PDE4D: variants seen among roughly 807,000 people sequenced by gnomAD.
PDE4D encodes 3',5'-cyclic-AMP phosphodiesterase 4D.
PDE4D carries 24 observed loss-of-function variants against 87.4 expected under a neutral mutation model. The observed-to-expected ratio is 0.27, with a 90% CI of 0.20 to 0.39. The LOEUF (loss-of-function observed/expected upper bound fraction) is 0.39, where lower values mean the gene tolerates loss of function less well. Among genes scored for constraint, PDE4D ranks in the 10% least tolerant of loss-of-function variants. The pLI is 1.00. For synonymous variants in PDE4D, 384 were observed against 383.2 expected (o/e 1.00, Z -0.02); for missense variants, 714 against 1,041.0 (o/e 0.69, Z 4.32).
At chr5:59,563,918 T>G (rs138385017) in intron 1 of PDE4D, among the ~76,000 whole-genome samples, 4 of 152,198 alleles carry the variant, frequency 2.6e-5, no homozygotes, top group Non-Finnish European at 5.9e-5. Flanking sequence ...TTGAAAGAGA[T>G]TCATTGCAAA....
chr5:59,049,680 G>A (rs890749410), intron 5 of PDE4D, among the ~76,000 whole-genome samples: 19 of 152,088 alleles, frequency 1.2e-4, no homozygotes, highest in African/African-American at 4.3e-4. Flanking sequence ...ATGAGCATAA[G>A]TTCATATTAT....
At chr5:59,109,898 G>A (rs985107502) in intron 5 of PDE4D, among the ~76,000 whole-genome samples, 2 of 152,126 alleles carry the variant, frequency 1.3e-5, no homozygotes, top group Non-Finnish European at 2.9e-5. Context: ...TAGAATGAGG[G>A]TGGTTGGCAA....
intron 1 of PDE4D, among the ~76,000 whole-genome samples, chr5:59,651,171 G>T (rs1743413204): frequency 6.6e-6 from 1 of 151,178 alleles, no homozygotes; most frequent in Non-Finnish European, 1.5e-5. Flanking sequence ...CAGGAGAATG[G>T]CGTGAACCCA....
intron 1 of PDE4D, among the ~76,000 whole-genome samples, chr5:59,751,183 C>G (rs76743947): frequency 1.3e-5 from 2 of 152,134 alleles, no homozygotes; most frequent in Non-Finnish European, 2.9e-5. Context: ...CTCAGAACTG[C>G]TAGATGTGTT....
chr5:59,361,595 C>T (rs1782238463), intron 1 of PDE4D, among the ~76,000 whole-genome samples: 1 of 152,142 alleles, frequency 6.6e-6, no homozygotes, highest in Admixed American at 6.5e-5. Flanking sequence ...CCTGCCTCCC[C>T]ATACCAGGTG....
intron 5 of PDE4D, among the ~76,000 whole-genome samples, chr5:59,142,362 TCC>T (rs146311632): frequency 0.038 from 5,735 of 152,288 alleles, 323 homozygotes; most frequent in African/African-American, 0.12. Context: ...TCCTTCACTT[TCC>T]CACTTTCAAT....
chr5:60,245,101 C>G (rs1052168412), intron 1 of PDE4D, among the ~76,000 whole-genome samples: 30 of 151,652 alleles, frequency 2.0e-4, no homozygotes, highest in South Asian at 2.1e-4. Flanking sequence ...ACTATTAAAT[C>G]TAATAATCTA....
chr5:60,344,047 T>TTA (rs1164282787), intron 1 of PDE4D, among the ~76,000 whole-genome samples: 4 of 151,858 alleles, frequency 2.6e-5, no homozygotes, highest in Non-Finnish European at 5.9e-5. Flanking sequence ...GATTACAGAG[T>TTA]TATAAACTGG....
At chr5:59,404,446 G>C (rs1162033607) in intron 1 of PDE4D, among the ~76,000 whole-genome samples, 1 of 151,908 alleles carries the variant, frequency 6.6e-6, no homozygotes, top group Non-Finnish European at 1.5e-5. Flanking sequence ...ATCACTTGAG[G>C]TCAGGAGTTG....
chr5:59,050,422 T>C (rs1245047353), intron 5 of PDE4D, among the ~76,000 whole-genome samples: 1 of 152,238 alleles, frequency 6.6e-6, no homozygotes, highest in Non-Finnish European at 1.5e-5. Context: ...ATATGAGTGA[T>C]AAACTATTTT....
intron 1 of PDE4D, among the ~76,000 whole-genome samples, chr5:59,469,727 T>A (rs1469095681): frequency 6.6e-6 from 1 of 151,354 alleles, no homozygotes. Context: ...AAAGAAAGAG[T>A]CCCAAAAGAA....
intron 3 of PDE4D, among the ~76,000 whole-genome samples, chr5:59,962,094 T>C (rs1759536077): frequency 6.6e-6 from 1 of 152,110 alleles, no homozygotes; most frequent in African/African-American, 2.4e-5. Flanking sequence ...AATAAGAAAA[T>C]TTCAAATACA....
rs533355354 is a variant in PDE4D, at chr5:60,309,970, C to G, written c.-89-124283G>C. 1.3e-4 allele frequency among the ~76,000 whole-genome samples: 20 copies of G among 152,268 alleles called. No homozygotes were observed. The South Asian group carries it at 4.1e-3, about 32-fold the overall frequency. ...AATCCATAATCTAATATATAAGTAA[C>G]ATCATTTGAGTGCACTTATTCTCCT... On this transcript the variant is annotated intron_variant, in intron 1 of 16. Transcript: ENST00000502484.
chr5:59,164,227 A>G (rs1224006209), intron 5 of PDE4D, among the ~76,000 whole-genome samples: 1 of 152,222 alleles, frequency 6.6e-6, no homozygotes, highest in East Asian at 1.9e-4. Context: ...GAACACAGAC[A>G]ATAAAGACAA....
chr5:59,976,159 A>G (rs1017417647), intron 3 of PDE4D, among the ~76,000 whole-genome samples: 16 of 152,194 alleles, frequency 1.1e-4, no homozygotes, highest in Non-Finnish European at 1.9e-4. Flanking sequence ...TGACTAATGC[A>G]TGATTGAGGG....
intron 1 of PDE4D, among the ~76,000 whole-genome samples, chr5:59,359,582 A>G (rs1053969588): frequency 5.3e-5 from 8 of 152,218 alleles, no homozygotes; most frequent in African/African-American, 1.9e-4. Flanking sequence ...TTTCACAGAC[A>G]TGAGAATTTA....
At chr5:60,270,663 C>A (rs111250165) in intron 1 of PDE4D, among the ~76,000 whole-genome samples, 2,613 of 152,212 alleles carry the variant, frequency 0.017, 34 homozygotes, top group African/African-American at 0.04. Flanking sequence ...AGCTAGAAAA[C>A]TAATTCAGTG....
intron 1 of PDE4D, among the ~76,000 whole-genome samples, chr5:59,228,264 T>G (rs1221250474): frequency 2.0e-5 from 3 of 150,740 alleles, no homozygotes; most frequent in East Asian, 2.0e-4. Context: ...GGATGGAGGG[T>G]GGGAGGAGAG....
chr5:60,230,190 A>G (rs1188870223), intron 1 of PDE4D, among the ~76,000 whole-genome samples: 1 of 152,138 alleles, frequency 6.6e-6, no homozygotes, highest in African/African-American at 2.4e-5. Context: ...TTTAAAAAAC[A>G]ATGATTTTAA....
Sources: gnomAD v4.1 joint callset for allele counts (sites outside exome capture counted in the v4.1 genomes callset) on GRCh38, gnomAD v4.1.1 for gene constraint, MANE v1.5 for transcripts, NCBI Gene and HGNC (gene_info 2026-07-23, HGNC 2026-07-21) for gene names.